TLN2: variants seen among roughly 807,000 people sequenced by gnomAD.
The protein encoded by TLN2 is talin-2.
A neutral mutation model predicts 294.7 loss-of-function variants in TLN2; 118 were observed. The ratio of observed to expected loss-of-function variants is 0.40; its 90% confidence interval spans 0.34 to 0.47. The LOEUF (loss-of-function observed/expected upper bound fraction) is 0.47. Ranked by LOEUF, TLN2 falls within the 20% of genes least tolerant of loss-of-function variation. The probability of loss-of-function intolerance (pLI) is 0.84; values close to 1 mark genes in which losing one functional copy is unlikely to be tolerated. For synonymous variants in TLN2, 1,431 were observed against 1,304.5 expected (o/e 1.10, Z -2.09); for missense variants, 3,083 against 3,282.2 (o/e 0.94, Z 1.48).
chr15:62,450,547 ATG>A (rs10591621), intron 1 of TLN2, among the ~76,000 whole-genome samples: 11,298 of 135,812 alleles, frequency 0.083, 470 homozygotes, highest in East Asian at 0.099. Context: ...GTATGTATGT[ATG>A]TGTGTGTGTG....
intron 41 of TLN2, among the ~76,000 whole-genome samples, chr15:62,766,677 G>C (rs1407842779): frequency 2.0e-5 from 3 of 152,192 alleles, no homozygotes; most frequent in Admixed American, 2.0e-4. Flanking sequence ...GGCCAGAGAT[G>C]TAATTTGGCA....
At chr15:62,792,538 G>A in intron 45 of TLN2, 103 bp from the exon 46 acceptor site, 1 of 1,466,014 alleles carries the variant, frequency 6.8e-7, no homozygotes. Context: ...AATTTTCCTA[G>A]CCAGGCTCCC....
intron 9 of TLN2, among the ~76,000 whole-genome samples, chr15:62,667,619 A>T (rs967591364): frequency 1.3e-5 from 2 of 152,196 alleles, no homozygotes; most frequent in African/African-American, 4.8e-5. Context: ...TTTTCAAGTG[A>T]TAAAAACCAA....
At chr15:62,763,238 T>C (rs1393101207) in intron 39 of TLN2, 1 of 177,244 alleles carries the variant, frequency 5.6e-6, no homozygotes, top group Non-Finnish European at 1.2e-5. Flanking sequence ...TTTTTTTTTT[T>C]TGAGTAAAAG....
chr15:62,788,000 T>C (rs1461535987), intron 45 of TLN2, among the ~76,000 whole-genome samples: 2 of 148,744 alleles, frequency 1.3e-5, no homozygotes, highest in African/African-American at 4.9e-5. Context: ...TCTAAATCTC[T>C]TATCTTTTTG....
chr15:62,791,016 G>GT (rs2065037287), intron 45 of TLN2, among the ~76,000 whole-genome samples: 1 of 152,146 alleles, frequency 6.6e-6, no homozygotes, highest in South Asian at 2.1e-4. Flanking sequence ...GTATAGAAGT[G>GT]TATAGAAAGC....
At chr15:62,825,280 T>C (rs1252926643) in intron 54 of TLN2, among the ~76,000 whole-genome samples, 1 of 152,134 alleles carries the variant, frequency 6.6e-6, no homozygotes, top group African/African-American at 2.4e-5. Context: ...CAAATGGCCA[T>C]GGAAAAGAGA....
intron 5 of TLN2, among the ~76,000 whole-genome samples, chr15:62,650,704 C>T (rs1214006370): frequency 6.6e-6 from 1 of 152,126 alleles, no homozygotes; most frequent in Non-Finnish European, 1.5e-5. Context: ...ACATTTTGTT[C>T]AGCTTAACCT....
intron 2 of TLN2, among the ~76,000 whole-genome samples, chr15:62,593,655 A>G (rs1027818745): frequency 1.1e-4 from 16 of 152,188 alleles, no homozygotes; most frequent in African/African-American, 3.9e-4. Context: ...TTTGAAAACA[A>G]TCACTTTTCT....
rs1243538156 is a variant in TLN2 at position 62,698,694 on chromosome 15, A to G, written c.1474-60A>G. On this transcript the variant is annotated intron_variant, in intron 15 of 58. Coordinates refer to ENST00000636159, the MANE Select transcript of TLN2 (RefSeq NM_015059.3). The stretch of plus-strand genomic sequence containing the variant: ...AGTTCTGTTTTGCTTTGTTTTGCAT[A>G]AAGGGCCATGTCGGTCCCAGGCGTG... 9 of 1,420,624 alleles carry G rather than the reference A, an allele frequency of 6.3e-6. No individual in the cohort carries two copies. The East Asian group carries it at 1.6e-4, about 25-fold the overall frequency. 88.0% of individuals were successfully genotyped at this position (1,420,624 alleles called of 1,614,324 possible). A position where few individuals can be genotyped will look rare whatever the true frequency, so the allele number is the denominator to read the frequency against.
chr15:62,825,795 TA>T (rs1567687018), intron 54 of TLN2, among the ~76,000 whole-genome samples: 83 of 6,518 alleles, frequency 0.013, 2 homozygotes, highest in South Asian at 0.096. Flanking sequence ...TATATTATAA[TA>T]TATATTATAT....
At chr15:62,732,073 G>C (rs1203005092) in intron 28 of TLN2, among the ~76,000 whole-genome samples, 1 of 152,106 alleles carries the variant, frequency 6.6e-6, no homozygotes, top group Non-Finnish European at 1.5e-5. Context: ...TTTGTGGATT[G>C]TTTAGGACTC....
At chr15:62,529,102 T>TG (rs1567061351) in intron 1 of TLN2, among the ~76,000 whole-genome samples, 2,117 of 144,868 alleles carry the variant, frequency 0.015, 52 homozygotes, top group African/African-American at 0.057. Flanking sequence ...GGCTTTTTTT[T>TG]TTTGTGTGTG....
chr15:62,680,947 T>C (rs1226717357), intron 11 of TLN2, among the ~76,000 whole-genome samples: 2 of 152,206 alleles, frequency 1.3e-5, no homozygotes, highest in Admixed American at 1.3e-4. Context: ...CCATGGTGTA[T>C]ATATGCCACA....
chr15:62,778,165 G>A (rs578253993), intron 43 of TLN2, among the ~76,000 whole-genome samples: 1 of 152,324 alleles, frequency 6.6e-6, no homozygotes, highest in South Asian at 2.1e-4. Context: ...GTCATTGTCA[G>A]CCTGAGAACA....
intron 54 of TLN2, 81 bp from the exon 55 acceptor site, chr15:62,833,423 T>A: frequency 6.4e-7 from 1 of 1,553,844 alleles, no homozygotes; most frequent in East Asian, 2.3e-5. Context: ...AAGAGCCAGG[T>A]GACCCGGCAG....
chr15:62,399,411 G>A (rs374998288), intron 1 of TLN2, among the ~76,000 whole-genome samples: 43 of 152,238 alleles, frequency 2.8e-4, no homozygotes, highest in African/African-American at 1.0e-3. Flanking sequence ...TCCCCATTGG[G>A]GCACTGCCTA....
chr15:62,823,994 G>A, intron 54 of TLN2: 1 of 531,006 alleles, frequency 1.9e-6, no homozygotes, highest in Non-Finnish European at 3.9e-6. Context: ...ATATTAGGTT[G>A]TTATTTAATC....
intron 1 of TLN2, among the ~76,000 whole-genome samples, chr15:62,545,805 A>T (rs2041964549): frequency 6.6e-6 from 1 of 152,190 alleles, no homozygotes; most frequent in African/African-American, 2.4e-5. Flanking sequence ...TTGGGCACTC[A>T]ATAAATATTT....
Sources: gnomAD v4.1 joint callset for allele counts (sites outside exome capture counted in the v4.1 genomes callset) on GRCh38, gnomAD v4.1.1 for gene constraint, MANE v1.5 for transcripts, NCBI Gene and HGNC (gene_info 2026-07-23, HGNC 2026-07-21) for gene names.